RABGAP1L: variants seen among roughly 807,000 people sequenced by gnomAD.
RABGAP1L encodes RAB GTPase activating protein 1 like, also known as rab GTPase-activating protein 1-like.
RABGAP1L carries 63 observed loss-of-function variants against 137.7 expected under a neutral mutation model. That is an observed-to-expected ratio of 0.46 (90% CI 0.37 to 0.56). The LOEUF (loss-of-function observed/expected upper bound fraction) is 0.56, where lower values mean the gene tolerates loss of function less well. RABGAP1L is among the 20% of genes least tolerant of loss of function. RABGAP1L has a pLI of 0.00. For synonymous variants in RABGAP1L, 431 were observed against 433.7 expected (o/e 0.99, Z 0.08); for missense variants, 1,095 against 1,244.0 (o/e 0.88, Z 1.80).
chr1:174,532,670 C>T (rs1362473231), intron 13 of RABGAP1L, among the ~76,000 whole-genome samples: 3 of 151,986 alleles, frequency 2.0e-5, no homozygotes, highest in Admixed American at 2.0e-4. Context: ...AATGGAAAGA[C>T]AATACTATAT....
intron 4 of RABGAP1L, 81 bp from the exon 5 acceptor site, chr1:174,241,401 TA>T (rs879243049): frequency 0.014 from 10,192 of 708,090 alleles, 38 homozygotes; most frequent in African/African-American, 0.043. Context: ...TCTTTTTTTT[TA>T]AAAAAAAAAA....
chr1:174,697,571 G>A (rs372637614), intron 15 of RABGAP1L, among the ~76,000 whole-genome samples: 2 of 152,096 alleles, frequency 1.3e-5, no homozygotes, highest in Non-Finnish European at 2.9e-5. Context: ...CACCCACCTT[G>A]GCATCCCAAA....
At chr1:174,742,212 G>A (rs1010441456) in intron 17 of RABGAP1L, among the ~76,000 whole-genome samples, 1 of 148,752 alleles carries the variant, frequency 6.7e-6, no homozygotes, top group Non-Finnish European at 1.5e-5. Flanking sequence ...GGAGGAGGAG[G>A]AAAGAAGAAG....
At chr1:174,323,334 AT>A (rs1680175729) in intron 11 of RABGAP1L, among the ~76,000 whole-genome samples, 1 of 152,134 alleles carries the variant, frequency 6.6e-6, no homozygotes, top group South Asian at 2.1e-4. Flanking sequence ...AATAAACAAA[AT>A]TCAAATCTAT....
At chr1:174,503,802 A>C (rs1466394705) in intron 13 of RABGAP1L, among the ~76,000 whole-genome samples, 3 of 152,070 alleles carry the variant, frequency 2.0e-5, no homozygotes, top group African/African-American at 7.2e-5. Flanking sequence ...AAATTTTACC[A>C]AGGAGATGAA....
chr1:174,386,664 C>T (rs565879333), intron 12 of RABGAP1L, among the ~76,000 whole-genome samples: 8 of 152,104 alleles, frequency 5.3e-5, no homozygotes, highest in South Asian at 2.1e-4. Flanking sequence ...TGGGCCACCA[C>T]GCCTGGCTAA....
At chr1:174,699,427 A>G (rs975115101) in intron 15 of RABGAP1L, 98 bp from the exon 16 acceptor site, 3 of 1,117,430 alleles carry the variant, frequency 2.7e-6, no homozygotes, top group Non-Finnish European at 2.5e-6. Context: ...CCAGGCCTTC[A>G]GCTACTTATG....
chr1:174,490,573 C>G (rs901815551), intron 13 of RABGAP1L, among the ~76,000 whole-genome samples: 1 of 152,106 alleles, frequency 6.6e-6, no homozygotes, highest in Non-Finnish European at 1.5e-5. Flanking sequence ...ATAACCACTA[C>G]CAGGTTATCG....
chr1:174,554,599 C>T (rs780639065), intron 13 of RABGAP1L, among the ~76,000 whole-genome samples: 76 of 152,200 alleles, frequency 5.0e-4, no homozygotes, highest in Admixed American at 4.2e-3. Context: ...TTTATTTATA[C>T]ACTATAATTA....
rs1465804217 is a variant in RABGAP1L, at chr1:174,965,098, C to T, written c.2434-4179C>T. On this transcript the variant is annotated intron_variant, in intron 20 of 25. Coordinates refer to ENST00000681986, the MANE Select transcript of RABGAP1L (RefSeq NM_001366446.1). Reference sequence around the variant, plus strand: ...ACCAAACTTTCCCAGCTGTACATCTCCTATCCATAAGGGGTGAAACTATGA... The same window carrying T: ...ACCAAACTTTCCCAGCTGTACATCTTCTATCCATAAGGGGTGAAACTATGA... 4 of 725,498 alleles carry T rather than the reference C, an allele frequency of 5.5e-6. 1 individual carries two copies. Among genetic ancestry groups the T allele is most frequent in the South Asian group, 3.6e-5 (2 of 55,602 alleles). The allele number at this position is 725,498 out of a possible 1,614,324, so 44.9% of individuals were successfully genotyped here.
rs141841180 is a variant in RABGAP1L at position 174,771,177 on chromosome 1, G to T, written c.2211+18823G>T. 2.0e-3 allele frequency among the ~76,000 whole-genome samples: 307 copies of T among 152,272 alleles called. 1 individual carries two copies. Among genetic ancestry groups the T allele is most frequent in the Middle Eastern group, 3.4e-3 (1 of 294 alleles). ...CATTTGAGGGGGATGCGCAGGATAC[G>T]ATTCTGAGGGGCTTTAATTACATTT... is the stretch of plus-strand genomic sequence containing the variant. On this transcript the variant is annotated intron_variant, in intron 18 of 25. Transcript: ENST00000681986.
At position 174,637,411 on chromosome 1, in the gene RABGAP1L, C is replaced by T; in HGVS notation, c.1747C>T (p.His583Tyr). 6.2e-7 allele frequency: 1 copy of T among 1,612,948 alleles called. No individual in the cohort carries two copies. The highest frequency in any genetic ancestry group is 1.1e-5 in the South Asian group (1 of 91,064). The change falls in exon 14 of 26, where the codon CAT becomes TAT. Residue 583 changes from histidine to tyrosine, a missense_variant. By Grantham distance (83) the His-to-Tyr change is moderately conservative. This residue lies in a region of RABGAP1L where 315 missense variants were observed against 324.8 expected (regional missense o/e 0.97). Coordinates refer to ENST00000681986, the MANE Select transcript of RABGAP1L (RefSeq NM_001366446.1). ...GGAGAGTGTTATTACTCGAGATATT[C>T]ATCGTACATTTCCCGCACATGATTA... ...AQESVITRDI[H>Y]RTFPAHDYFK...
intron 7 of RABGAP1L, among the ~76,000 whole-genome samples, chr1:174,271,266 A>G (rs952388764): frequency 2.6e-5 from 4 of 152,140 alleles, no homozygotes; most frequent in African/African-American, 4.8e-5. Context: ...TATAGGAAGT[A>G]TACATTTACT....
chr1:174,384,488 C>G (rs944293540), intron 12 of RABGAP1L, among the ~76,000 whole-genome samples: 1 of 145,126 alleles, frequency 6.9e-6, no homozygotes, highest in African/African-American at 2.6e-5. Context: ...GGTGCTGAAG[C>G]AAGAATAGTG....
intron 1 of RABGAP1L, among the ~76,000 whole-genome samples, chr1:174,173,403 T>G (rs1665571209): frequency 6.6e-6 from 1 of 152,222 alleles, no homozygotes; most frequent in Non-Finnish European, 1.5e-5. Flanking sequence ...GTGCTGGGAT[T>G]ACAGGCGTGA....
intron 12 of RABGAP1L, among the ~76,000 whole-genome samples, chr1:174,384,125 A>G (rs540070587): frequency 1.3e-5 from 2 of 152,370 alleles, no homozygotes; most frequent in African/African-American, 2.4e-5. Context: ...ATACATTACA[A>G]CTGATGGATC....
chr1:174,857,724 A>G (rs532580228), intron 19 of RABGAP1L, among the ~76,000 whole-genome samples: 1 of 152,302 alleles, frequency 6.6e-6, no homozygotes, highest in Non-Finnish European at 1.5e-5. Flanking sequence ...ATTGATAACA[A>G]TGAGACACCC....
intron 13 of RABGAP1L, among the ~76,000 whole-genome samples, chr1:174,559,850 T>C (rs1667095921): frequency 6.6e-6 from 1 of 152,168 alleles, no homozygotes; most frequent in Non-Finnish European, 1.5e-5. Flanking sequence ...AAAAGTTCCC[T>C]TTTGGCCGAG....
chr1:174,270,499 T>C (rs1298687647), intron 7 of RABGAP1L, among the ~76,000 whole-genome samples: 2 of 152,026 alleles, frequency 1.3e-5, no homozygotes, highest in African/African-American at 4.8e-5. Context: ...CAATGTTCAG[T>C]CTTTGGTTGA....
Sources: allele counts gnomAD v4.1 joint callset (sites outside exome capture counted in the v4.1 genomes callset), GRCh38; gene constraint gnomAD v4.1.1; regional missense constraint gnomAD v4.1.1; transcripts MANE v1.5; gene names NCBI Gene and HGNC (gene_info 2026-07-23, HGNC 2026-07-21).